The following ZNF10 variants were observed in gnomAD, a reference collection of about 807,000 sequenced individuals.
ZNF10 encodes zinc finger protein 10 (KOX 1).
Under a neutral mutation model 12.2 loss-of-function variants are expected in ZNF10, and 8 were observed. The ratio of observed to expected loss-of-function variants is 0.66; its 90% confidence interval spans 0.39 to 1.18. The LOEUF (loss-of-function observed/expected upper bound fraction) is 1.18, where lower values mean the gene tolerates loss of function less well. ZNF10 is among the 50% of genes most tolerant of loss of function. The pLI, the probability that ZNF10 is intolerant of heterozygous loss-of-function variation, is 0.01. For missense variants in ZNF10, 603 were observed against 678.9 expected, an observed-to-expected ratio of 0.89 and a Z score of 1.24; for synonymous variants, 229 against 228.2, an observed-to-expected ratio of 1.00 and a Z score of -0.03.
rs745706882 is a variant in ZNF10 at position 133,155,533 on chromosome 12, C to G, written c.287C>G (p.Ser96Ter). ...GAGACTGCATTTGAAATCAAATCAT[C>G]AGTTTCCAGCAGGAGCATTTTTAAA... ...DSETAFEIKSSVSSRSIFKDK... is the reference protein window; with the variant it reads ...DSETAFEIKS The change falls in exon 5 of 5, where the codon TCA (serine) becomes TGA (stop). Residue 96 changes from serine (S) to a stop codon, truncating the protein, a stop_gained. Transcript: ENST00000248211. LOFTEE classifies it low-confidence loss of function (END_TRUNC). The G allele has an allele frequency of 1.3e-6, 2 of 1,590,720 alleles. No individual in the cohort carries two copies. The highest frequency in any genetic ancestry group is 3.8e-5 in the Admixed American group (2 of 53,112).
intron 3 of ZNF10, among the ~76,000 whole-genome samples, 188 bp downstream of exon 3, chr12:133,151,342 A>G (rs1956006189): frequency 6.6e-6 from 1 of 152,170 alleles, no homozygotes; most frequent in African/African-American, 2.4e-5. Flanking sequence ...AGTTTTAAAA[A>G]TGCCTCTTTA....
In ZNF10 at chr12:133,158,139, T is replaced by A. The variant is rs1956053347; in HGVS notation, c.*1171T>A. 6.6e-6 allele frequency: 1 copy of A among 152,222 alleles called. No individual in the cohort carries two copies. Among genetic ancestry groups the A allele is most frequent in the South Asian group, 2.1e-4 (1 of 4,832 alleles). 9.4% of individuals were successfully genotyped at this position (152,222 alleles called of 1,614,324 possible). On this transcript the variant is annotated 3_prime_UTR_variant, in exon 5 of 5. Transcript: ENST00000248211. ...CTTCTCTGTGCCAAACTTACTGATATCCTCATCTGTAAATTAGCGATAATA... is the reference window on the plus strand; with the variant it reads ...CTTCTCTGTGCCAAACTTACTGATAACCTCATCTGTAAATTAGCGATAATA...
chr12:133,132,518 C>T (rs1191323599), intron 1 of ZNF10, among the ~76,000 whole-genome samples: 1 of 149,280 alleles, frequency 6.7e-6, no homozygotes, highest in Non-Finnish European at 1.5e-5. Flanking sequence ...AACTCCGTCT[C>T]AAAAAAAAAG....
chr12:133,140,877 T>G lies in ZNF10; in HGVS notation c.-59-3557T>G, dbSNP rs528334266. Among the ~76,000 whole-genome samples, 12 of 152,276 alleles carry G rather than the reference T, an allele frequency of 7.9e-5. No individual in the cohort carries two copies. In the South Asian group the frequency reaches 2.3e-3, roughly 29 times the overall value. ...ATATGGCTTCTGTAAGAGAGCATCTTACAGCAGGAGAATTCTGGAGATCTG... is the reference window on the plus strand; with the variant it reads ...ATATGGCTTCTGTAAGAGAGCATCTGACAGCAGGAGAATTCTGGAGATCTG... On this transcript the variant is annotated intron_variant, in intron 1 of 4. Transcript: ENST00000248211.
chr12:133,156,791 G>C lies in ZNF10; in HGVS notation c.1545G>C (p.Glu515Asp). The change falls in exon 5 of 5, where the codon GAG (glutamate) becomes GAC (aspartate). Residue 515 changes from glutamate (E) to aspartate (D), a missense_variant. Physicochemically the swap from Glu to Asp is conservative, Grantham distance 45. Coordinates refer to ENST00000248211, the MANE Select transcript of ZNF10 (RefSeq NM_015394.5). Reference protein sequence around the residue: ...IKHQRIHVGEETYKCNQCGII... With the variant: ...IKHQRIHVGEDTYKCNQCGII... ...ACCAGAGAATTCATGTTGGAGAAGA[G>C]ACCTATAAATGTAATCAATGTGGCA... is the stretch of plus-strand genomic sequence containing the variant. 6.3e-7 allele frequency: 1 copy of C among 1,575,824 alleles called. No homozygotes were observed. The highest frequency in any genetic ancestry group is 8.6e-7 in the Non-Finnish European group (1 of 1,163,810).
At position 133,156,809 on chromosome 12, in the gene ZNF10, A is replaced by G. The variant is rs757663056; in HGVS notation, c.1563A>G (p.Gln521=). The change falls in exon 5 of 5, where the codon CAA becomes CAG. Residue 521 remains glutamine, a synonymous_variant. Coordinates refer to ENST00000248211, the MANE Select transcript of ZNF10 (RefSeq NM_015394.5). ...HVGEETYKCN[Q]CGIIFSQNSP... The stretch of plus-strand genomic sequence containing the variant: ...GAGAAGAGACCTATAAATGTAATCA[A>G]TGTGGCATTATCTTCAGCCAGAACT... The G allele has an allele frequency of 5.2e-6, 8 of 1,552,640 alleles. No homozygotes were observed. Among genetic ancestry groups the G allele is most frequent in the South Asian group, 2.5e-5 (2 of 79,566 alleles).
chr12:133,146,962 A>G (rs1955980385), intron 2 of ZNF10, among the ~76,000 whole-genome samples: 1 of 152,150 alleles, frequency 6.6e-6, no homozygotes, highest in Admixed American at 6.6e-5. Flanking sequence ...GCAACCACTG[A>G]TCTATTGATT....
intron 2 of ZNF10, among the ~76,000 whole-genome samples, chr12:133,150,699 C>T (rs1388078261): frequency 3.3e-5 from 5 of 151,970 alleles, no homozygotes; most frequent in African/African-American, 9.7e-5. Context: ...TCTTTATTTA[C>T]GTAGTATAAA....
intron 2 of ZNF10, among the ~76,000 whole-genome samples, chr12:133,146,915 T>C (rs1241008330): frequency 1.3e-5 from 2 of 151,894 alleles, no homozygotes; most frequent in Non-Finnish European, 2.9e-5. Flanking sequence ...GCTGCCCCTG[T>C]GTATATAGTC....
In ZNF10 at chr12:133,155,679, A is replaced by G. The variant is rs779961065; in HGVS notation, c.433A>G (p.Arg145Gly). The G allele has an allele frequency of 3.1e-6, 5 of 1,612,960 alleles. No individual in the cohort carries two copies. In the Admixed American group the frequency reaches 5.0e-5, roughly 16 times the overall value. ...QLDKYQENPE[R>G]HLRQVAFTQK... ...AGACAAGTATCAGGAAAACCCAGAG[A>G]GACATTTGAGGCAAGTGGCATTCAC... The change falls in exon 5 of 5, where the codon AGA (arginine) becomes GGA (glycine). Residue 145 changes from arginine (R) to glycine (G), a missense_variant. By Grantham distance (125) the Arg-to-Gly change is moderately radical. Coordinates refer to ENST00000248211, the MANE Select transcript of ZNF10 (RefSeq NM_015394.5).
At chr12:133,151,188 C>T (rs751940002) in intron 3 of ZNF10, 34 bp downstream of exon 3, 6 of 1,594,472 alleles carry the variant, frequency 3.8e-6, no homozygotes, top group Non-Finnish European at 5.1e-6. Flanking sequence ...GATTTTGGTT[C>T]TCCATTGATC....
intron 1 of ZNF10, among the ~76,000 whole-genome samples, chr12:133,134,785 A>G (rs1955901561): frequency 1.4e-5 from 2 of 147,366 alleles, no homozygotes. Context: ...ACTTTATTGT[A>G]ACATTTATGT....
At chr12:133,149,834 A>G (rs1955997367) in intron 2 of ZNF10, among the ~76,000 whole-genome samples, 1 of 151,962 alleles carries the variant, frequency 6.6e-6, no homozygotes, top group Non-Finnish European at 1.5e-5. Flanking sequence ...TTATTTGAAT[A>G]TATTTTAGTA....
chr12:133,156,388 A>C lies in ZNF10; in HGVS notation c.1142A>C (p.Glu381Ala), dbSNP rs1317378586. The change falls in exon 5 of 5, where the codon GAA becomes GCA. Residue 381 changes from glutamate to alanine, a missense_variant. Glu to Ala is a moderately radical substitution (Grantham distance 107). Around this residue, in one of 3 missense-constraint regions of ZNF10, gnomAD observed 204 missense variants for 262.8 expected, o/e 0.78. Transcript: ENST00000248211. ...GGAGAGAAACCCTATGAATGTCCTG[A>C]ATGTGGGAAATCTTTCAGACAGAGC... ...HTGEKPYECP[E>A]CGKSFRQSTH... The C allele has an allele frequency of 5.0e-6, 8 of 1,613,992 alleles. No individual in the cohort carries two copies. Among genetic ancestry groups the C allele is most frequent in the South Asian group, 2.2e-5 (2 of 91,078 alleles).
chr12:133,156,671 C>G lies in ZNF10; in HGVS notation c.1425C>G (p.Ala475=). The G allele has an allele frequency of 6.2e-7, 1 of 1,614,020 alleles. No individual in the cohort carries two copies. Among genetic ancestry groups the G allele is most frequent in the Non-Finnish European group, 8.5e-7 (1 of 1,179,984 alleles). The change falls in exon 5 of 5, where the codon GCC becomes GCG. Residue 475 remains alanine (A), a synonymous_variant. Transcript: ENST00000248211. The part of the protein sequence containing the change: ...DCGKSFSQSS[A]LIVHQRIHTG... Reference sequence around the variant, plus strand: ...GAAAATCTTTCAGCCAGAGTTCTGCCCTTATTGTGCATCAGAGGATACACA... The same window carrying G: ...GAAAATCTTTCAGCCAGAGTTCTGCGCTTATTGTGCATCAGAGGATACACA...
chr12:133,138,169 C>T (rs192877373), intron 1 of ZNF10, among the ~76,000 whole-genome samples: 3 of 151,942 alleles, frequency 2.0e-5, no homozygotes, highest in Admixed American at 6.6e-5. Context: ...AGTTTAAAAC[C>T]GCTGGGTTAG....
At chr12:133,132,780 G>A (rs138364958) in intron 1 of ZNF10, among the ~76,000 whole-genome samples, 1 of 152,228 alleles carries the variant, frequency 6.6e-6, no homozygotes, top group African/African-American at 2.4e-5. Context: ...TCTCCTTGCT[G>A]ACTGATCCTA....
At chr12:133,151,624 CAGAG>C (rs1487091698) in intron 3 of ZNF10, among the ~76,000 whole-genome samples, 181 bp from the exon 4 acceptor site, 3 of 152,086 alleles carry the variant, frequency 2.0e-5, no homozygotes, top group Non-Finnish European at 4.4e-5. Flanking sequence ...AGCCTGGCAA[CAGAG>C]AGAGACTCCA....
chr12:133,153,771 A>G (rs1956022457), intron 4 of ZNF10, among the ~76,000 whole-genome samples: 1 of 152,226 alleles, frequency 6.6e-6, no homozygotes, highest in South Asian at 2.1e-4. Context: ...AACAACCAAA[A>G]TGTATCATGT....
Sources: gnomAD v4.1 joint callset for allele counts (sites outside exome capture counted in the v4.1 genomes callset) on GRCh38, gnomAD v4.1.1 for gene constraint, gnomAD v4.1.1 regional missense constraint, MANE v1.5 for transcripts, NCBI Gene and HGNC (gene_info 2026-07-23, HGNC 2026-07-21) for gene names.